The following FAM168B variants were observed in gnomAD, a reference collection of about 807,000 sequenced individuals.
The protein encoded by FAM168B is myelin-associated neurite-outgrowth inhibitor.
Under a neutral mutation model 21.8 loss-of-function variants are expected in FAM168B, and 19 were observed. That is an observed-to-expected ratio of 0.87 (90% CI 0.61 to 1.28). The LOEUF (loss-of-function observed/expected upper bound fraction) is 1.28. Among genes scored for constraint, FAM168B ranks in the 50% most tolerant of loss-of-function variants. The pLI is 0.00. For missense variants in FAM168B, 233 were observed against 263.1 expected (o/e 0.89, Z 0.79); for synonymous variants, 126 against 104.8 (o/e 1.20, Z -1.24).
In FAM168B at chr2:131,048,102, TG is replaced by T; in HGVS notation, c.*4362del. ...CAGAGGTGAGGGATGCCTTTAACAC[TG>T]GAAGACAATGCTGACTTAGCTTAAA... On this transcript the variant is annotated 3_prime_UTR_variant, in exon 7 of 7. Transcript: ENST00000389915. The T allele has an allele frequency of 5.7e-6, 6 of 1,050,434 alleles. No individual in the cohort carries two copies. The South Asian group carries it at 9.8e-5, about 17-fold the overall frequency. 65.1% of individuals were successfully genotyped at this position (1,050,434 alleles called of 1,614,324 possible). A position where few individuals can be genotyped will look rare whatever the true frequency, so the allele number is the denominator to read the frequency against.
intron 1 of FAM168B, among the ~76,000 whole-genome samples, chr2:131,088,428 G>A (rs557852499): frequency 1.7e-4 from 26 of 152,050 alleles, no homozygotes; most frequent in African/African-American, 5.3e-4. Context: ...AAAAGGGGGC[G>A]GGAGAGGAGG....
intron 3 of FAM168B, among the ~76,000 whole-genome samples, chr2:131,070,266 A>C (rs553314383): frequency 6.6e-6 from 1 of 152,358 alleles, no homozygotes; most frequent in South Asian, 2.1e-4. Flanking sequence ...AAACTCAACG[A>C]TAAGAAAACA....
chr2:131,058,963 C>T (rs550307923), intron 3 of FAM168B, among the ~76,000 whole-genome samples: 222 of 152,164 alleles, frequency 1.5e-3, no homozygotes, highest in Non-Finnish European at 2.9e-3. Flanking sequence ...GGTAGTGTGT[C>T]CGGCCATGTA....
chr2:131,087,450 C>A (rs1324152018), intron 1 of FAM168B, among the ~76,000 whole-genome samples: 1 of 151,960 alleles, frequency 6.6e-6, no homozygotes, highest in Non-Finnish European at 1.5e-5. Context: ...CCAGCCTGGG[C>A]AACAGAGCAA....
At chr2:131,052,477 A>C (rs142382176) in intron 6 of FAM168B, 25 bp from the exon 7 acceptor site, 2 of 1,001,970 alleles carry the variant, frequency 2.0e-6, no homozygotes, top group Non-Finnish European at 2.4e-6. Flanking sequence ...ACAGACACTC[A>C]GTCACACAGA....
intron 3 of FAM168B, 26 bp downstream of exon 3, chr2:131,071,829 A>T: frequency 6.2e-7 from 1 of 1,606,664 alleles, no homozygotes; most frequent in African/African-American, 1.3e-5. Context: ...CTGTACGTAC[A>T]AAGCATTTTA....
At chr2:131,087,244 G>C (rs553533354) in intron 1 of FAM168B, among the ~76,000 whole-genome samples, 1 of 151,978 alleles carries the variant, frequency 6.6e-6, no homozygotes. Context: ...CAAGGTGGGA[G>C]GATCACTTGA....
chr2:131,072,014 G>T, intron 2 of FAM168B, 76 bp from the exon 3 acceptor site: 1 of 1,311,006 alleles, frequency 7.6e-7, no homozygotes, highest in Non-Finnish European at 1.1e-6. Context: ...CAAAGCCATC[G>T]CTCTTACCTT....
chr2:131,089,962 G>A (rs1298465245), intron 1 of FAM168B, among the ~76,000 whole-genome samples: 4 of 151,642 alleles, frequency 2.6e-5, no homozygotes, highest in South Asian at 2.1e-4. Context: ...AACCCAGGAG[G>A]CAGAGGTTTC....
At chr2:131,085,230 G>A (rs1472161170) in intron 1 of FAM168B, among the ~76,000 whole-genome samples, 3 of 152,048 alleles carry the variant, frequency 2.0e-5, no homozygotes, top group Non-Finnish European at 4.4e-5. Flanking sequence ...TGGGAGGATC[G>A]CTTGAGGCCA....
At position 131,071,902 on chromosome 2, in the gene FAM168B, G is replaced by A. The variant is rs1412282877; in HGVS notation, c.107C>T (p.Ala36Val). Reference sequence around the variant, plus strand: ...TCCAGGATACATGTTAGGAGAATAGGCAGGAGCTGCTGCTGCATAGCCCAT... The same window carrying A: ...TCCAGGATACATGTTAGGAGAATAGACAGGAGCTGCTGCTGCATAGCCCAT... Reference protein sequence around the residue: ...FPMGYAAAAPAYSPNMYPGAN... With the variant: ...FPMGYAAAAPVYSPNMYPGAN... The change falls in exon 3 of 7, where the codon GCC (alanine) becomes GTC (valine). Residue 36 changes from alanine to valine, a missense_variant. By Grantham distance (64) the Ala-to-Val change is moderately conservative. Transcript: ENST00000389915. 1 of 1,613,952 alleles carries A rather than the reference G, an allele frequency of 6.2e-7. No individual in the cohort carries two copies. Among genetic ancestry groups the A allele is most frequent in the African/African-American group, 1.3e-5 (1 of 74,896 alleles).
rs1298417116 is a variant in FAM168B at position 131,049,255 on chromosome 2, G to A, written c.*3210C>T. The stretch of plus-strand genomic sequence containing the variant: ...CAGATGATGCCACCAGAAAGAGCAA[G>A]GTACTGTATGCCCAGCTGGGGAAGG... On this transcript the variant is annotated 3_prime_UTR_variant, in exon 7 of 7. Coordinates refer to ENST00000389915, the MANE Select transcript of FAM168B (RefSeq NM_001009993.4). 1.0e-6 allele frequency: 1 copy of A among 985,452 alleles called. No homozygotes were observed. The highest frequency in any genetic ancestry group is 1.2e-6 in the Non-Finnish European group (1 of 829,980). The allele number at this position is 985,452 out of a possible 1,614,324, so 61.0% of individuals were successfully genotyped here.
At chr2:131,082,764 T>C in intron 1 of FAM168B, 107 bp from the exon 2 acceptor site, 1 of 662,098 alleles carries the variant, frequency 1.5e-6, no homozygotes, top group South Asian at 2.0e-5. Flanking sequence ...TAGGCTGCTA[T>C]AAAACAATGC....
rs771400429 is a variant in FAM168B at position 131,055,518 on chromosome 2, C to A, written c.297+35G>T. The stretch of plus-strand genomic sequence containing the variant: ...AAGGATGAACGCCCAGGTGGTATCA[C>A]CCCTTCCCACACAGCAGTGTGTACC... On this transcript the variant is annotated intron_variant, in intron 4 of 6. Coordinates refer to ENST00000389915, the MANE Select transcript of FAM168B (RefSeq NM_001009993.4). 4 of 1,598,656 alleles carry A rather than the reference C, an allele frequency of 2.5e-6. No homozygotes were observed. The African/African-American group carries it at 5.4e-5, about 22-fold the overall frequency.
At chr2:131,081,437 G>A (rs943137757) in intron 2 of FAM168B, among the ~76,000 whole-genome samples, 1 of 152,208 alleles carries the variant, frequency 6.6e-6, no homozygotes, top group African/African-American at 2.4e-5. Context: ...ACCAAGCCTG[G>A]AGACTATTTT....
In FAM168B at chr2:131,048,324, C is replaced by T; in HGVS notation, c.*4141G>A. The T allele has an allele frequency of 7.7e-7, 1 of 1,303,992 alleles. No individual in the cohort carries two copies. Among genetic ancestry groups the T allele is most frequent in the Non-Finnish European group, 1.0e-6 (1 of 988,756 alleles). 80.8% of individuals were successfully genotyped at this position (1,303,992 alleles called of 1,614,324 possible). A position where few individuals can be genotyped will look rare whatever the true frequency, so the allele number is the denominator to read the frequency against. On this transcript the variant is annotated 3_prime_UTR_variant, in exon 7 of 7. Transcript: ENST00000389915. ...CAGCTGCCTTGCCCACTGGTCTGCA[C>T]AGGGACTCATGGGCACAGCCTGTGG... is the stretch of plus-strand genomic sequence containing the variant.
intron 5 of FAM168B, among the ~76,000 whole-genome samples, chr2:131,054,193 G>A (rs1250479712): frequency 6.7e-6 from 1 of 150,150 alleles, no homozygotes; most frequent in Non-Finnish European, 1.5e-5. Context: ...TGGCTGACAG[G>A]ATGAGACCCT....
chr2:131,084,765 T>C (rs2105580921), intron 1 of FAM168B, among the ~76,000 whole-genome samples: 1 of 152,196 alleles, frequency 6.6e-6, no homozygotes, highest in South Asian at 2.1e-4. Context: ...ATTTATTTTT[T>C]AGACGTGGTC....
chr2:131,052,792 C>T, intron 6 of FAM168B, 99 bp downstream of exon 6: 1 of 1,480,452 alleles, frequency 6.8e-7, no homozygotes, highest in Non-Finnish European at 9.0e-7. Context: ...GGGTCAGGCA[C>T]ACTTTCCTCG....
Sources: gnomAD v4.1 joint callset for allele counts (sites outside exome capture counted in the v4.1 genomes callset) on GRCh38, gnomAD v4.1.1 for gene constraint, MANE v1.5 for transcripts, NCBI Gene and HGNC (gene_info 2026-07-23, HGNC 2026-07-21) for gene names.